KAT6B: variants seen among roughly 807,000 people sequenced by gnomAD.
KAT6B encodes histone acetyltransferase KAT6B.
KAT6B carries 10 observed loss-of-function variants against 187.5 expected under a neutral mutation model. That is an observed-to-expected ratio of 0.05 (90% CI 0.03 to 0.09). KAT6B has a LOEUF of 0.09. Among genes scored for constraint, KAT6B ranks in the 10% least tolerant of loss-of-function variants. The probability of loss-of-function intolerance (pLI) is 1.00; values close to 1 mark genes in which losing one functional copy is unlikely to be tolerated. For missense variants in KAT6B, 1,952 were observed against 2,558.9 expected, an observed-to-expected ratio of 0.76 and a Z score of 5.12; for synonymous variants, 861 against 926.8, an observed-to-expected ratio of 0.93 and a Z score of 1.29.
chr10:74,843,978 A>G lies in KAT6B; in HGVS notation c.621+500A>G, dbSNP rs56212249. 7.9e-3 allele frequency among the ~76,000 whole-genome samples: 1,195 copies of G among 151,940 alleles called. 24 individuals carry two copies. The highest frequency in any genetic ancestry group is 0.027 in the African/African-American group (1,137 of 41,406). On this transcript the variant is annotated intron_variant, in intron 3 of 17. Coordinates refer to ENST00000287239, the MANE Select transcript of KAT6B (RefSeq NM_012330.4). ...AACCTCTGCCTCCCAGGTTTAAGCGATTCTCCTGCCTCAGCCTCCCAAGTA... is the reference window on the plus strand; with the variant it reads ...AACCTCTGCCTCCCAGGTTTAAGCGGTTCTCCTGCCTCAGCCTCCCAAGTA...
chr10:74,929,440 G>A (rs944597464), intron 3 of KAT6B, among the ~76,000 whole-genome samples: 4 of 152,052 alleles, frequency 2.6e-5, no homozygotes, highest in Non-Finnish European at 5.9e-5. Context: ...AAAAATAAAC[G>A]AATGGCAGTA....
rs1247695624 is a variant in KAT6B, at chr10:74,843,051, A to G, written c.194A>G (p.Asn65Ser). The change falls in exon 3 of 18, where the codon AAC (asparagine) becomes AGC (serine). Residue 65 changes from asparagine to serine, a missense_variant. Asn to Ser is a conservative substitution (Grantham distance 46, BLOSUM62 1). Coordinates refer to ENST00000287239, the MANE Select transcript of KAT6B (RefSeq NM_012330.4). Reference sequence around the variant, plus strand: ...GATGGCTCAGTTCTCAAAGTCACCAACAAAGGCCTTGCCTCCTATAAGGAC... The same window carrying G: ...GATGGCTCAGTTCTCAAAGTCACCAGCAAAGGCCTTGCCTCCTATAAGGAC... Reference protein sequence around the residue: ...VQDGSVLKVTNKGLASYKDPD... With the variant: ...VQDGSVLKVTSKGLASYKDPD... 1.2e-6 allele frequency: 2 copies of G among 1,614,220 alleles called. No homozygotes were observed. Among genetic ancestry groups the G allele is most frequent in the African/African-American group, 1.3e-5 (1 of 75,064 alleles).
At chr10:74,950,398 C>T (rs1271277370) in intron 3 of KAT6B, among the ~76,000 whole-genome samples, 1 of 152,124 alleles carries the variant, frequency 6.6e-6, no homozygotes, top group Non-Finnish European at 1.5e-5. Context: ...CTGTCCTGAC[C>T]ACAGTTACTG....
chr10:74,971,109 C>T (rs1377829682), intron 6 of KAT6B, among the ~76,000 whole-genome samples: 1 of 152,182 alleles, frequency 6.6e-6, no homozygotes, highest in Non-Finnish European at 1.5e-5. Context: ...CAGTCACATA[C>T]ATTATACAAT....
At chr10:74,834,780 A>T (rs555777080) in intron 1 of KAT6B, among the ~76,000 whole-genome samples, 1 of 152,238 alleles carries the variant, frequency 6.6e-6, no homozygotes, top group African/African-American at 2.4e-5. Flanking sequence ...TTGACCTCCC[A>T]AAGTGCTGGG....
At chr10:74,870,085 G>T (rs953805601) in intron 3 of KAT6B, among the ~76,000 whole-genome samples, 2 of 152,096 alleles carry the variant, frequency 1.3e-5, no homozygotes, top group South Asian at 4.2e-4. Flanking sequence ...TTTGAGAACA[G>T]CTTGGGCAAC....
chr10:74,839,447 G>A (rs1285326845), intron 2 of KAT6B, among the ~76,000 whole-genome samples: 6 of 151,926 alleles, frequency 3.9e-5, no homozygotes, highest in Non-Finnish European at 7.4e-5. Flanking sequence ...GGCCAGGCTG[G>A]TCTTGAACTC....
chr10:75,026,100 C>G lies in KAT6B; in HGVS notation c.3664+851C>G, dbSNP rs550916272. The G allele has an allele frequency of 2.1e-5, 3 of 146,056 alleles. No individual in the cohort carries two copies. The South Asian group carries it at 6.6e-4, about 32-fold the overall frequency. 9.0% of individuals were successfully genotyped at this position (146,056 alleles called of 1,614,324 possible). A position where few individuals can be genotyped will look rare whatever the true frequency, so the allele number is the denominator to read the frequency against. ...ACCTGAGCTCAGGGTGAGCCATGAT[C>G]GTGCCACTGCACTCCAGCCTGGGTG... On this transcript the variant is annotated intron_variant, in intron 17 of 17. Coordinates refer to ENST00000287239, the MANE Select transcript of KAT6B (RefSeq NM_012330.4).
chr10:74,910,279 CAA>C (rs548330136), intron 3 of KAT6B, among the ~76,000 whole-genome samples: 265 of 152,310 alleles, frequency 1.7e-3, no homozygotes, highest in African/African-American at 6.2e-3. Context: ...GCCTGGGCAA[CAA>C]GAGCGAAACT....
intron 7 of KAT6B, among the ~76,000 whole-genome samples, chr10:74,974,126 G>T (rs540558416): frequency 6.6e-6 from 1 of 152,132 alleles, no homozygotes; most frequent in African/African-American, 2.4e-5. Flanking sequence ...TGAGTTCCTT[G>T]TTGGTAACTC....
At chr10:74,991,567 C>T (rs1477668620) in intron 13 of KAT6B, among the ~76,000 whole-genome samples, 1 of 152,206 alleles carries the variant, frequency 6.6e-6, no homozygotes, top group East Asian at 1.9e-4. Flanking sequence ...TGGCTCCAGG[C>T]CACCATGATG....
intron 3 of KAT6B, among the ~76,000 whole-genome samples, chr10:74,874,326 A>G (rs560223906): frequency 6.6e-6 from 1 of 152,308 alleles, no homozygotes; most frequent in South Asian, 2.1e-4. Flanking sequence ...TCAGTGACTG[A>G]TAGGCTGTAA....
In KAT6B at chr10:75,022,032, G is replaced by A. The variant is rs749078569; in HGVS notation, c.3173G>A (p.Arg1058Gln). The A allele has an allele frequency of 7.4e-6, 12 of 1,613,912 alleles. No individual in the cohort carries two copies. The highest frequency in any genetic ancestry group is 1.1e-5 in the South Asian group (1 of 91,082). ...SPESRPVTGE[R>Q]GQLLELSKES... Reference sequence around the variant, plus strand: ...GAGAGCCGGCCAGTCACAGGGGAGCGAGGGCAGCTGCTGGAGCTGTCTAAA... The same window carrying A: ...GAGAGCCGGCCAGTCACAGGGGAGCAAGGGCAGCTGCTGGAGCTGTCTAAA... Residue 1058 changes from arginine to glutamine, a missense_variant, in exon 16 of 18, where the codon CGA (arginine) becomes CAA (glutamine). Arg to Gln is a conservative substitution (Grantham distance 43). Around this residue, in one of 9 missense-constraint regions of KAT6B, gnomAD observed 758 missense variants for 891.4 expected, o/e 0.85. Coordinates refer to ENST00000287239, the MANE Select transcript of KAT6B (RefSeq NM_012330.4).
At chr10:74,896,734 A>G (rs915532747) in intron 3 of KAT6B, among the ~76,000 whole-genome samples, 2 of 152,256 alleles carry the variant, frequency 1.3e-5, no homozygotes, top group East Asian at 3.8e-4. Flanking sequence ...AGCTAATTGT[A>G]GATTTTATGA....
chr10:74,934,630 T>G (rs903657815), intron 3 of KAT6B, among the ~76,000 whole-genome samples: 1 of 152,148 alleles, frequency 6.6e-6, no homozygotes, highest in African/African-American at 2.4e-5. Flanking sequence ...TCCAGTCTTC[T>G]CCCTCCATTC....
intron 3 of KAT6B, among the ~76,000 whole-genome samples, chr10:74,873,931 A>G (rs541902453): frequency 2.6e-4 from 39 of 152,298 alleles, no homozygotes; most frequent in African/African-American, 7.9e-4. Flanking sequence ...CTACCCAGAA[A>G]ACCAAAATAT....
chr10:75,011,662 T>C (rs965424219), intron 13 of KAT6B, among the ~76,000 whole-genome samples: 1 of 152,234 alleles, frequency 6.6e-6, no homozygotes, highest in African/African-American at 2.4e-5. Flanking sequence ...TGCCTCATTT[T>C]CCTAACAAGG....
chr10:75,020,858 C>T, intron 14 of KAT6B, 45 bp downstream of exon 14: 3 of 1,509,806 alleles, frequency 2.0e-6, no homozygotes, highest in Non-Finnish European at 2.8e-6. Flanking sequence ...AGGCATCCCA[C>T]ACCAGAAAGG....
intron 3 of KAT6B, among the ~76,000 whole-genome samples, chr10:74,844,112 GA>G (rs1226555503): frequency 1.3e-5 from 2 of 152,160 alleles, no homozygotes; most frequent in Admixed American, 1.3e-4. Context: ...GACCTCAAGT[GA>G]TGCGCCCGCC....
Sources: allele counts gnomAD v4.1 joint callset (sites outside exome capture counted in the v4.1 genomes callset), GRCh38; gene constraint gnomAD v4.1.1; regional missense constraint gnomAD v4.1.1; transcripts MANE v1.5; gene names NCBI Gene and HGNC (gene_info 2026-07-23, HGNC 2026-07-21).